Variants in FHIT observed in about 807,000 individuals in gnomAD.
FHIT encodes the protein fragile histidine triad diadenosine triphosphatase.
A neutral mutation model predicts 17.9 loss-of-function variants in FHIT; 19 were observed. That is an observed-to-expected ratio of 1.06 (90% confidence interval 0.74 to 1.56). FHIT has a LOEUF of 1.56. Ranked by LOEUF, FHIT falls within the 40% of genes most tolerant of loss-of-function variation. The probability of loss-of-function intolerance (pLI) is 0.00; values close to 1 mark genes in which losing one functional copy is unlikely to be tolerated. For synonymous variants in FHIT, 81 were observed against 69.7 expected (o/e 1.16, Z -0.81); for missense variants, 248 against 189.2 (o/e 1.31, Z -1.82).
At chr3:60,053,913 T>C (rs1701983076) in intron 5 of FHIT, among the ~76,000 whole-genome samples, 1 of 152,190 alleles carries the variant, frequency 6.6e-6, no homozygotes, top group Non-Finnish European at 1.5e-5. Flanking sequence ...GCGAATTCTT[T>C]CAACATGCTT....
intron 7 of FHIT, among the ~76,000 whole-genome samples, chr3:59,938,426 G>T (rs28451006): frequency 0.027 from 4,092 of 152,192 alleles, 187 homozygotes; most frequent in African/African-American, 0.093. Context: ...GGAGATACAG[G>T]TCAGAGAATA....
chr3:60,745,473 C>T (rs559476986), intron 4 of FHIT, among the ~76,000 whole-genome samples: 4 of 152,268 alleles, frequency 2.6e-5, no homozygotes, highest in South Asian at 2.1e-4. Context: ...TTTCCAGCAA[C>T]ATAAAGCTAT....
chr3:60,207,248 T>G (rs756411284), intron 5 of FHIT, among the ~76,000 whole-genome samples: 8 of 152,186 alleles, frequency 5.3e-5, no homozygotes, highest in South Asian at 4.1e-4. Context: ...ATTTAGAAAT[T>G]AGAATATTTA....
At position 60,648,435 on chromosome 3, in the gene FHIT, G is replaced by A. The variant is rs1301434554; in HGVS notation, c.-17-111456C>T. On this transcript the variant is annotated intron_variant, in intron 4 of 9. Coordinates refer to ENST00000492590, the MANE Select transcript of FHIT (RefSeq NM_002012.4). ...GGTCTGGGCTTAAGAACAATTGTGCGTGGTACTTTATCTCCCTGGTCTAGT... is the reference window on the plus strand; with the variant it reads ...GGTCTGGGCTTAAGAACAATTGTGCATGGTACTTTATCTCCCTGGTCTAGT... Among the ~76,000 whole-genome samples, 9 of 152,120 alleles carry A rather than the reference G, an allele frequency of 5.9e-5. No individual in the cohort carries two copies. The East Asian group carries it at 7.7e-4, about 13-fold the overall frequency.
chr3:59,985,232 C>T (rs2687899), intron 7 of FHIT, among the ~76,000 whole-genome samples: 52,903 of 151,876 alleles, frequency 0.35, 9,812 homozygotes, highest in East Asian at 0.45. Flanking sequence ...TTCAAATGTG[C>T]CCTGCAGAGC....
chr3:60,288,934 G>T (rs1387121225), intron 5 of FHIT, among the ~76,000 whole-genome samples: 5 of 152,102 alleles, frequency 3.3e-5, no homozygotes, highest in African/African-American at 1.2e-4. Flanking sequence ...TGGTGAGAAA[G>T]TCACAAGTAC....
At chr3:59,930,694 C>G (rs1275079802) in intron 7 of FHIT, among the ~76,000 whole-genome samples, 1 of 152,138 alleles carries the variant, frequency 6.6e-6, no homozygotes, top group African/African-American at 2.4e-5. Flanking sequence ...AACAGAAAAT[C>G]TTTGAAAACT....
chr3:61,025,225 T>C (rs1360886854), intron 3 of FHIT, among the ~76,000 whole-genome samples: 1 of 152,176 alleles, frequency 6.6e-6, no homozygotes, highest in Non-Finnish European at 1.5e-5. Flanking sequence ...TTATATGTTA[T>C]GGGCTGTAGG....
chr3:60,245,431 A>G (rs1253432652), intron 5 of FHIT, among the ~76,000 whole-genome samples: 1 of 152,074 alleles, frequency 6.6e-6, no homozygotes, highest in Non-Finnish European at 1.5e-5. Context: ...TTCAATATTC[A>G]AAGTACTCAC....
chr3:60,453,144 T>C (rs1301152021), intron 5 of FHIT, among the ~76,000 whole-genome samples: 1 of 152,116 alleles, frequency 6.6e-6, no homozygotes, highest in Non-Finnish European at 1.5e-5. Flanking sequence ...GGGAATATAA[T>C]GATGCAATTA....
At chr3:60,452,383 G>T (rs1418544129) in intron 5 of FHIT, among the ~76,000 whole-genome samples, 1 of 152,244 alleles carries the variant, frequency 6.6e-6, no homozygotes, top group East Asian at 1.9e-4. Context: ...GACCAGAGAG[G>T]CTTTACTGTG....
intron 7 of FHIT, among the ~76,000 whole-genome samples, chr3:59,950,154 G>T (rs1258814496): frequency 6.6e-6 from 1 of 152,130 alleles, no homozygotes; most frequent in Non-Finnish European, 1.5e-5. Flanking sequence ...TGGTATGCAT[G>T]TTCTAAAGAT....
intron 2 of FHIT, among the ~76,000 whole-genome samples, chr3:61,046,939 A>G (rs2033818055): frequency 6.6e-6 from 1 of 152,208 alleles, no homozygotes; most frequent in Non-Finnish European, 1.5e-5. Context: ...AAAAAATTTG[A>G]CAGGCCTTCA....
intron 5 of FHIT, among the ~76,000 whole-genome samples, chr3:60,442,658 C>T (rs1227784925): frequency 6.6e-6 from 1 of 152,160 alleles, no homozygotes. Flanking sequence ...CAGTACCATG[C>T]TGTTTTGGTT....
At chr3:60,980,347 A>C (rs2107551642) in intron 3 of FHIT, among the ~76,000 whole-genome samples, 1 of 152,376 alleles carries the variant, frequency 6.6e-6, no homozygotes. Context: ...GAATGAAGCA[A>C]CAATATAAGG....
intron 5 of FHIT, among the ~76,000 whole-genome samples, chr3:60,070,897 G>A (rs2736818): frequency 6.6e-6 from 1 of 152,060 alleles, no homozygotes; most frequent in Admixed American, 6.5e-5. Context: ...GAGTGCTGGC[G>A]CCTAGGCAGG....
At chr3:61,182,424 T>C (rs889416710) in intron 2 of FHIT, among the ~76,000 whole-genome samples, 1 of 152,188 alleles carries the variant, frequency 6.6e-6, no homozygotes, top group Non-Finnish European at 1.5e-5. Context: ...AATTACCTTT[T>C]TGAAGAAGAC....
At chr3:60,157,291 G>T (rs1321133970) in intron 5 of FHIT, among the ~76,000 whole-genome samples, 1 of 152,112 alleles carries the variant, frequency 6.6e-6, no homozygotes, top group Non-Finnish European at 1.5e-5. Flanking sequence ...CTCAGAAATG[G>T]TAGCAGGCAC....
chr3:60,656,048 TTAAACGATAGCTGCTGTGCTA>T (rs1233789465), intron 4 of FHIT, among the ~76,000 whole-genome samples: 1 of 152,170 alleles, frequency 6.6e-6, no homozygotes, highest in Non-Finnish European at 1.5e-5. Flanking sequence ...CCCTAGCAGT[TTAAACGATAGCTGCTGTGCTA>T]TAATCTAAAA....
Sources: allele counts gnomAD v4.1 joint callset (sites outside exome capture counted in the v4.1 genomes callset), GRCh38; gene constraint gnomAD v4.1.1; transcripts MANE v1.5; gene names NCBI Gene and HGNC (gene_info 2026-07-23, HGNC 2026-07-21).